ASIC2: variants seen among roughly 807,000 people sequenced by gnomAD.
ASIC2 encodes the protein acid-sensing ion channel 2.
Under a neutral mutation model 57.3 loss-of-function variants are expected in ASIC2, and 25 were observed. That is an observed-to-expected ratio of 0.44 (90% CI 0.32 to 0.61). The LOEUF (loss-of-function observed/expected upper bound fraction) is 0.61. ASIC2 is among the 20% of genes least tolerant of loss of function. The pLI, the probability that ASIC2 is intolerant of heterozygous loss-of-function variation, is 0.06. For synonymous variants in ASIC2, 319 were observed against 307.5 expected (o/e 1.04, Z -0.39); for missense variants, 641 against 738.1 (o/e 0.87, Z 1.52).
intron 1 of ASIC2, among the ~76,000 whole-genome samples, chr17:34,115,745 A>G (rs749588814): frequency 2.6e-5 from 4 of 152,186 alleles, no homozygotes; most frequent in Non-Finnish European, 5.9e-5. Context: ...TGTTTCTTAC[A>G]GGATGTGGCA....
chr17:33,055,281 C>T (rs2091993348), intron 3 of ASIC2, among the ~76,000 whole-genome samples: 1 of 152,186 alleles, frequency 6.6e-6, no homozygotes, highest in South Asian at 2.1e-4. Flanking sequence ...CCACTCAGTG[C>T]TGGCCACCCA....
At chr17:34,121,946 T>A (rs1003760217) in intron 1 of ASIC2, among the ~76,000 whole-genome samples, 10 of 152,136 alleles carry the variant, frequency 6.6e-5, no homozygotes, top group African/African-American at 1.9e-4. Context: ...GATGCCCTTC[T>A]CTGCACTTTT....
At chr17:33,536,701 G>A (rs548902752) in intron 1 of ASIC2, among the ~76,000 whole-genome samples, 1 of 152,202 alleles carries the variant, frequency 6.6e-6, no homozygotes, top group Non-Finnish European at 1.5e-5. Flanking sequence ...AGTAGCCAAA[G>A]TGATCTTTTA....
At chr17:34,007,761 C>T (rs1273789810) in intron 1 of ASIC2, among the ~76,000 whole-genome samples, 4 of 152,208 alleles carry the variant, frequency 2.6e-5, no homozygotes, top group African/African-American at 9.6e-5. Context: ...GGCATCAAAC[C>T]TCGTTTCTCC....
At chr17:33,737,059 A>G (rs1909936311) in intron 1 of ASIC2, among the ~76,000 whole-genome samples, 1 of 152,272 alleles carries the variant, frequency 6.6e-6, no homozygotes, top group East Asian at 1.9e-4. Flanking sequence ...TGGAGACACC[A>G]CAATCTATTC....
intron 1 of ASIC2, among the ~76,000 whole-genome samples, chr17:33,900,429 A>G (rs2141953281): frequency 6.6e-6 from 1 of 152,280 alleles, no homozygotes; most frequent in Middle Eastern, 3.4e-3. Flanking sequence ...CCCCATCTGC[A>G]TGCCCTCCCA....
intron 1 of ASIC2, among the ~76,000 whole-genome samples, chr17:33,493,464 AC>A (rs1294805334): frequency 6.6e-6 from 1 of 152,306 alleles, no homozygotes; most frequent in Non-Finnish European, 1.5e-5. Context: ...GACCGTGGGT[AC>A]TTTTTGACCC....
chr17:33,454,282 GGTGACCAGTA>G (rs1297799951), intron 1 of ASIC2, among the ~76,000 whole-genome samples: 1 of 152,208 alleles, frequency 6.6e-6, no homozygotes, highest in Non-Finnish European at 1.5e-5. Context: ...TGATCTGTGT[GGTGACCAGTA>G]GTACAGTGGA....
intron 1 of ASIC2, among the ~76,000 whole-genome samples, chr17:33,686,550 AT>A: frequency 6.6e-6 from 1 of 152,272 alleles, no homozygotes; most frequent in Middle Eastern, 3.4e-3. Flanking sequence ...GTTGAGATCC[AT>A]GGGCAACTCT....
rs555841505 is a variant in ASIC2 at position 33,170,926 on chromosome 17, T to C, written c.709-58859A>G. Among the ~76,000 whole-genome samples the C allele has an allele frequency of 6.6e-5, 10 of 152,364 alleles. 1 individual carries two copies. In the South Asian group the frequency reaches 1.9e-3, roughly 28 times the overall value. ...ATTTGTTCTTGTTGAACCCAACATATGGCACCCCTTTCACTTGACTTAGAT... is the reference window on the plus strand; with the variant it reads ...ATTTGTTCTTGTTGAACCCAACATACGGCACCCCTTTCACTTGACTTAGAT... On this transcript the variant is annotated intron_variant, in intron 1 of 9. Transcript: ENST00000225823.
At chr17:33,708,288 C>T (rs1908921709) in intron 1 of ASIC2, among the ~76,000 whole-genome samples, 1 of 152,188 alleles carries the variant, frequency 6.6e-6, no homozygotes, top group African/African-American at 2.4e-5. Context: ...ACCCAGCAAC[C>T]TTATGGGCAT....
intron 1 of ASIC2, among the ~76,000 whole-genome samples, chr17:33,941,755 G>A (rs1916196483): frequency 6.6e-6 from 1 of 152,164 alleles, no homozygotes; most frequent in Admixed American, 6.5e-5. Flanking sequence ...GTTTGGGAGG[G>A]GATCCCCTGT....
intron 1 of ASIC2, among the ~76,000 whole-genome samples, chr17:33,200,177 G>A (rs1029820996): frequency 2.6e-5 from 4 of 152,160 alleles, no homozygotes; most frequent in Non-Finnish European, 5.9e-5. Context: ...AGCAATAACT[G>A]CATTACACTG....
At chr17:33,646,001 A>G (rs945881519) in intron 1 of ASIC2, among the ~76,000 whole-genome samples, 9 of 152,312 alleles carry the variant, frequency 5.9e-5, no homozygotes, top group African/African-American at 1.9e-4. Context: ...TCAGTGGTGA[A>G]CAGCTGGTGC....
chr17:33,438,437 A>G (rs1038513081), intron 1 of ASIC2, among the ~76,000 whole-genome samples: 1 of 152,140 alleles, frequency 6.6e-6, no homozygotes, highest in Admixed American at 6.5e-5. Context: ...ATCACTTCAC[A>G]CTCTCCAGGA....
chr17:34,082,558 C>A (rs1909927848), intron 1 of ASIC2, among the ~76,000 whole-genome samples: 1 of 152,196 alleles, frequency 6.6e-6, no homozygotes, highest in African/African-American at 2.4e-5. Flanking sequence ...AAAAATACTA[C>A]CAAAGGCCAG....
rs573157780 is a variant in ASIC2, at chr17:33,641,654, T to C, written c.555+514324A>G. Reference sequence around the variant, plus strand: ...TCCCAGAAGCCCCTCTTTTTGCAGCTGAATGGAATCACTCCAAAACATAGG... The same window carrying C: ...TCCCAGAAGCCCCTCTTTTTGCAGCCGAATGGAATCACTCCAAAACATAGG... On this transcript the variant is annotated intron_variant, in intron 1 of 9. Coordinates refer to the ASIC2 transcript ENST00000359872. Among the ~76,000 whole-genome samples the C allele has an allele frequency of 5.3e-5, 8 of 152,280 alleles. No homozygotes were observed. In the South Asian group the frequency reaches 1.7e-3, roughly 32 times the overall value.
At chr17:34,049,281 A>G (rs1908456319) in intron 1 of ASIC2, among the ~76,000 whole-genome samples, 1 of 152,122 alleles carries the variant, frequency 6.6e-6, no homozygotes, top group South Asian at 2.1e-4. Flanking sequence ...GCAACAGAGC[A>G]AGACCCTGTC....
At chr17:33,373,374 G>C (rs1909157211) in intron 1 of ASIC2, among the ~76,000 whole-genome samples, 1 of 152,218 alleles carries the variant, frequency 6.6e-6, no homozygotes, top group Non-Finnish European at 1.5e-5. Flanking sequence ...CCCATTCCTG[G>C]GCAAAGGCCA....
Sources: allele counts gnomAD v4.1 joint callset (sites outside exome capture counted in the v4.1 genomes callset), GRCh38; gene constraint gnomAD v4.1.1; transcripts MANE v1.5; gene names NCBI Gene and HGNC (gene_info 2026-07-23, HGNC 2026-07-21).